The following ASIC2 variants were observed in gnomAD, a reference collection of about 807,000 sequenced individuals.
ASIC2 encodes acid sensing ion channel subunit 2.
In ASIC2, 25 loss-of-function variants were observed where a neutral mutation model predicts 57.3. The ratio of observed to expected loss-of-function variants is 0.44; its 90% CI spans 0.32 to 0.61. The LOEUF (loss-of-function observed/expected upper bound fraction) is 0.61, where lower values mean the gene tolerates loss of function less well. Among genes scored for constraint, ASIC2 ranks in the 20% least tolerant of loss-of-function variants. The pLI, the probability that ASIC2 is intolerant of heterozygous loss-of-function variation, is 0.06. For missense variants in ASIC2, 641 were observed against 738.1 expected (o/e 0.87, Z 1.52); for synonymous variants, 319 against 307.5 (o/e 1.04, Z -0.39).
chr17:33,780,768 G>T (rs944659794), intron 1 of ASIC2, among the ~76,000 whole-genome samples: 1 of 152,164 alleles, frequency 6.6e-6, no homozygotes, highest in East Asian at 1.9e-4. Context: ...GAGCAGGGAA[G>T]GCGGGAGGGC....
At chr17:33,761,329 T>C (rs1349859780) in intron 1 of ASIC2, among the ~76,000 whole-genome samples, 3 of 152,126 alleles carry the variant, frequency 2.0e-5, no homozygotes, top group Non-Finnish European at 2.9e-5. Context: ...GGTTGGGTTA[T>C]GGGAAATCAG....
intron 1 of ASIC2, among the ~76,000 whole-genome samples, chr17:33,406,502 C>T (rs2141961967): frequency 6.6e-6 from 1 of 152,212 alleles, no homozygotes; most frequent in East Asian, 1.9e-4. Flanking sequence ...CTGTGCAGAG[C>T]TGGAATCCCA....
intron 1 of ASIC2, among the ~76,000 whole-genome samples, chr17:33,249,836 G>A (rs56932551): frequency 0.11 from 16,781 of 152,206 alleles, 1,096 homozygotes; most frequent in East Asian, 0.24. Flanking sequence ...GGAAGCTGCT[G>A]AACACCTCTC....
intron 1 of ASIC2, among the ~76,000 whole-genome samples, chr17:33,345,511 T>A (rs1002549948): frequency 1.3e-5 from 2 of 151,972 alleles, no homozygotes; most frequent in African/African-American, 4.8e-5. Flanking sequence ...TAAAACAGGG[T>A]GATGTGCTTG....
intron 1 of ASIC2, among the ~76,000 whole-genome samples, chr17:33,566,105 C>T (rs757510144): frequency 1.3e-5 from 2 of 152,232 alleles, no homozygotes; most frequent in African/African-American, 4.8e-5. Flanking sequence ...CCTTCCCTTA[C>T]GTCTTTCTCT....
At chr17:33,426,368 A>G (rs894044484) in intron 1 of ASIC2, among the ~76,000 whole-genome samples, 2 of 152,328 alleles carry the variant, frequency 1.3e-5, no homozygotes, top group Admixed American at 6.5e-5. Context: ...GAATGATTCA[A>G]GGTTACTCTA....
chr17:33,538,969 C>T (rs1317247386), intron 1 of ASIC2, among the ~76,000 whole-genome samples: 1 of 152,214 alleles, frequency 6.6e-6, no homozygotes, highest in Non-Finnish European at 1.5e-5. Flanking sequence ...TCCCCCACTT[C>T]TCCCAGCAAG....
intron 2 of ASIC2, among the ~76,000 whole-genome samples, chr17:33,108,484 C>T (rs971872378): frequency 1.2e-4 from 19 of 152,280 alleles, no homozygotes; most frequent in African/African-American, 4.1e-4. Flanking sequence ...GTCCATCATC[C>T]TCGGGATCAA....
chr17:33,842,108 G>A lies in ASIC2; in HGVS notation c.555+313870C>T, dbSNP rs142174477. ...GGTGGGCTGGACGACATAACCGCAT[G>A]GCCCAGAGACAGCAGGCTGGGCAAG... On this transcript the variant is annotated intron_variant, in intron 1 of 9. Transcript: ENST00000359872. Among the ~76,000 whole-genome samples the A allele has an allele frequency of 7.5e-4, 114 of 152,290 alleles. 1 individual carries two copies. Among genetic ancestry groups the A allele is most frequent in the Non-Finnish European group, 2.6e-4 (18 of 68,024 alleles).
chr17:33,584,268 CAT>C (rs895973466), intron 1 of ASIC2, among the ~76,000 whole-genome samples: 59 of 152,134 alleles, frequency 3.9e-4, no homozygotes, highest in African/African-American at 1.3e-3. Flanking sequence ...GAGAGGGTGA[CAT>C]GTGTTGTCAA....
intron 1 of ASIC2, among the ~76,000 whole-genome samples, chr17:33,576,628 G>T (rs1949207912): frequency 6.6e-6 from 1 of 152,192 alleles, no homozygotes; most frequent in South Asian, 2.1e-4. Context: ...CTACCTCACA[G>T]GGCACCTGTG....
intron 1 of ASIC2, among the ~76,000 whole-genome samples, chr17:33,225,477 A>G (rs1907843416): frequency 6.6e-6 from 1 of 152,256 alleles, no homozygotes; most frequent in African/African-American, 2.4e-5. Context: ...AAGTTAGTAA[A>G]TGTGAGTAAT....
At chr17:33,581,023 C>A (rs1372925944) in intron 1 of ASIC2, 3 of 152,200 alleles carry the variant, frequency 2.0e-5, no homozygotes, top group Non-Finnish European at 4.4e-5. Flanking sequence ...ATACCACGTC[C>A]ATGAATATGT....
intron 1 of ASIC2, among the ~76,000 whole-genome samples, chr17:33,687,714 C>G (rs551296513): frequency 6.6e-6 from 1 of 152,284 alleles, no homozygotes; most frequent in South Asian, 2.1e-4. Flanking sequence ...GATAATTATT[C>G]ATTGGATGTA....
At chr17:33,648,881 T>G (rs1332967454) in intron 1 of ASIC2, among the ~76,000 whole-genome samples, 2 of 152,216 alleles carry the variant, frequency 1.3e-5, no homozygotes, top group Non-Finnish European at 2.9e-5. Flanking sequence ...ATTTATGATG[T>G]TAAAACTTCA....
chr17:33,800,523 A>G (rs1375352514), intron 1 of ASIC2, among the ~76,000 whole-genome samples: 1 of 152,146 alleles, frequency 6.6e-6, no homozygotes, highest in Non-Finnish European at 1.5e-5. Context: ...CTTACGGAGG[A>G]GCAGATCCAT....
At chr17:33,026,880 C>T (rs2091861297) in intron 4 of ASIC2, among the ~76,000 whole-genome samples, 3 of 152,202 alleles carry the variant, frequency 2.0e-5, no homozygotes, top group Admixed American at 2.0e-4. Flanking sequence ...TATGCTTTCT[C>T]CTTTCCAAAA....
At chr17:34,030,324 G>A (rs574135700) in intron 1 of ASIC2, among the ~76,000 whole-genome samples, 26 of 152,250 alleles carry the variant, frequency 1.7e-4, no homozygotes, top group East Asian at 1.2e-3. Flanking sequence ...CCATCCATTC[G>A]AAATTTTTGA....
chr17:33,340,678 C>T (rs1338398168), intron 1 of ASIC2, among the ~76,000 whole-genome samples: 1 of 152,038 alleles, frequency 6.6e-6, no homozygotes, highest in African/African-American at 2.4e-5. Context: ...GAGGGAGGTG[C>T]TTATAATCCT....
Sources: gnomAD v4.1 joint callset for allele counts (sites outside exome capture counted in the v4.1 genomes callset) on GRCh38, gnomAD v4.1.1 for gene constraint, MANE v1.5 for transcripts, NCBI Gene and HGNC (gene_info 2026-07-23, HGNC 2026-07-21) for gene names.